ACAD11: variants seen among roughly 807,000 people sequenced by gnomAD.
ACAD11 encodes acyl-Coenzyme A dehydrogenase family, member 11.
Under a neutral mutation model 102.2 loss-of-function variants are expected in ACAD11, and 83 were observed. That is an observed-to-expected ratio of 0.81 (90% CI 0.68 to 0.97). ACAD11 has a LOEUF of 0.97. Ranked by LOEUF, ACAD11 falls within the 50% of genes least tolerant of loss-of-function variation. The pLI is 0.00. For synonymous variants in ACAD11, 324 were observed against 319.8 expected, an observed-to-expected ratio of 1.01 and a Z score of -0.14; for missense variants, 901 against 951.7, an observed-to-expected ratio of 0.95 and a Z score of 0.70.
intron 9 of ACAD11, among the ~76,000 whole-genome samples, chr3:132,623,824 A>G (rs949001237): frequency 8.5e-5 from 13 of 152,188 alleles, no homozygotes; most frequent in African/African-American, 2.7e-4. Flanking sequence ...CCAATGAAAG[A>G]ACAAGCCTGC....
chr3:132,567,564 T>C (rs907882333), intron 17 of ACAD11, among the ~76,000 whole-genome samples: 5 of 151,778 alleles, frequency 3.3e-5, no homozygotes, highest in African/African-American at 1.2e-4. Context: ...AGAAAAACAA[T>C]AACCAGAGAG....
intron 17 of ACAD11, among the ~76,000 whole-genome samples, chr3:132,574,204 C>A (rs1433909702): frequency 6.6e-6 from 1 of 152,180 alleles, no homozygotes; most frequent in Non-Finnish European, 1.5e-5. Context: ...CTGTGTCCTC[C>A]CTTCACCCTG....
At position 132,561,175 on chromosome 3, in the gene ACAD11, C is replaced by T. The variant is rs1401305818; in HGVS notation, c.2044G>A (p.Glu682Lys). Residue 682 changes from glutamate (E) to lysine (K), a missense_variant, in exon 18 of 20, where the codon GAG becomes AAG. Coordinates refer to ENST00000264990, the MANE Select transcript of ACAD11 (RefSeq NM_032169.5). ...TTCAGAGTCAACAAGCGGATCTTCT[C>T]AATGGCAATGCGGCTTTCAGCAATC... is the stretch of plus-strand genomic sequence containing the variant. ...HWIAESRIAI[E>K]KIRLLTLKAA... is the part of the protein sequence containing the mutation. 6.2e-7 allele frequency: 1 copy of T among 1,613,444 alleles called. No homozygotes were observed. The highest frequency in any genetic ancestry group is 1.7e-5 in the Admixed American group (1 of 59,978).
chr3:132,587,449 G>C (rs1937890055), intron 13 of ACAD11, among the ~76,000 whole-genome samples: 1 of 152,004 alleles, frequency 6.6e-6, no homozygotes, highest in South Asian at 2.1e-4. Flanking sequence ...TTTAAGTTCT[G>C]ATATTCCTAC....
intron 1 of ACAD11, among the ~76,000 whole-genome samples, chr3:132,649,106 C>T (rs912317303): frequency 2.4e-4 from 36 of 152,374 alleles, no homozygotes; most frequent in African/African-American, 8.2e-4. Context: ...CCGCAGGGAC[C>T]TCTGCCCTGG....
At chr3:132,587,878 C>G (rs1030668495) in intron 13 of ACAD11, among the ~76,000 whole-genome samples, 1 of 152,168 alleles carries the variant, frequency 6.6e-6, no homozygotes, top group African/African-American at 2.4e-5. Flanking sequence ...TACTTTCATT[C>G]AGGAGTTAGC....
At chr3:132,626,372 T>C (rs531435130) in intron 9 of ACAD11, among the ~76,000 whole-genome samples, 1 of 152,170 alleles carries the variant, frequency 6.6e-6, no homozygotes, top group Admixed American at 6.5e-5. Flanking sequence ...CATTAAATTC[T>C]CAAAGGGGTC....
chr3:132,637,707 T>C (rs928030350), intron 5 of ACAD11, among the ~76,000 whole-genome samples: 4 of 152,178 alleles, frequency 2.6e-5, no homozygotes, highest in Non-Finnish European at 4.4e-5. Context: ...AGTGAGCCTA[T>C]TGTGCTACTG....
chr3:132,625,858 C>T (rs558296510), intron 9 of ACAD11, among the ~76,000 whole-genome samples: 12 of 152,202 alleles, frequency 7.9e-5, no homozygotes, highest in Admixed American at 3.9e-4. Flanking sequence ...TTTAGTCATA[C>T]CTACTCACAT....
intron 7 of ACAD11, 31 bp downstream of exon 7, chr3:132,630,406 G>A: frequency 6.3e-7 from 1 of 1,598,888 alleles, no homozygotes; most frequent in Non-Finnish European, 8.5e-7. Context: ...GGTAAATAAT[G>A]GCGAAACACA....
At chr3:132,594,089 CTA>C (rs1200630920) in intron 13 of ACAD11, among the ~76,000 whole-genome samples, 2 of 152,170 alleles carry the variant, frequency 1.3e-5, no homozygotes, top group African/African-American at 4.8e-5. Context: ...GATTCATACA[CTA>C]TGATTTATAC....
chr3:132,595,688 G>GA (rs1938272034), intron 13 of ACAD11, among the ~76,000 whole-genome samples: 4 of 151,952 alleles, frequency 2.6e-5, no homozygotes, highest in Admixed American at 2.6e-4. Flanking sequence ...ACAATCATAT[G>GA]AAAAAAAGCT....
chr3:132,623,020 T>C (rs1939664833), intron 9 of ACAD11, among the ~76,000 whole-genome samples: 1 of 152,238 alleles, frequency 6.6e-6, no homozygotes, highest in Non-Finnish European at 1.5e-5. Context: ...ATGCTATTTT[T>C]AGGATTTCTT....
At chr3:132,659,319 C>A (rs1937996955) in intron 1 of ACAD11, 1 of 410,354 alleles carries the variant, frequency 2.4e-6, no homozygotes, top group South Asian at 3.2e-5. Flanking sequence ...GCCTTAATTG[C>A]CTTGGTGAAT....
In ACAD11 at chr3:132,624,378, G is replaced by A. The variant is rs566521324; in HGVS notation, c.1197+2313C>T. On this transcript the variant is annotated intron_variant, in intron 9 of 19. Transcript: ENST00000264990. ...TCCCAGCACTTTGGGAGGCTGAGGT[G>A]CGCGGATCACGAGGTCAGGAGTTCG... Among the ~76,000 whole-genome samples, 3 of 151,564 alleles carry A rather than the reference G, an allele frequency of 2.0e-5. No homozygotes were observed. In the South Asian group the frequency reaches 6.3e-4, roughly 32 times the overall value.
intron 1 of ACAD11, 70 bp downstream of exon 1, chr3:132,659,533 C>A (rs1576634448): frequency 2.5e-6 from 4 of 1,599,140 alleles, no homozygotes; most frequent in Non-Finnish European, 3.4e-6. Context: ...AGGAAACCAC[C>A]CAGGGCCAAA....
intron 1 of ACAD11, 26 bp from the exon 2 acceptor site, chr3:132,644,922 G>A (rs75067001): frequency 3.0e-6 from 4 of 1,316,688 alleles, no homozygotes; most frequent in Admixed American, 4.0e-5. Flanking sequence ...AAAAAAAAAG[G>A]TCAATTACAA....
chr3:132,626,586 A>C lies in ACAD11; in HGVS notation c.1197+105T>G. 5 of 1,332,564 alleles carry C rather than the reference A, an allele frequency of 3.8e-6. No homozygotes were observed. In the South Asian group the frequency reaches 5.3e-5, roughly 14 times the overall value. 82.5% of individuals were successfully genotyped at this position (1,332,564 alleles called of 1,614,324 possible). A position where few individuals can be genotyped will look rare whatever the true frequency, so the allele number is the denominator to read the frequency against. ...GGTGAGAAGAAGAATCTAGGTAAGGATTGACTAAAGAAAATGACACCATGC... is the reference window on the plus strand; with the variant it reads ...GGTGAGAAGAAGAATCTAGGTAAGGCTTGACTAAAGAAAATGACACCATGC... On this transcript the variant is annotated intron_variant, in intron 9 of 19. Coordinates refer to ENST00000264990, the MANE Select transcript of ACAD11 (RefSeq NM_032169.5).
Position 132,605,092 on chromosome 3 carries a change from AT to A in ACAD11, c.1522+5del. 1 of 1,605,816 alleles carries A rather than the reference AT, an allele frequency of 6.2e-7. No homozygotes were observed. Among genetic ancestry groups the A allele is most frequent in the Non-Finnish European group, 8.5e-7 (1 of 1,172,960 alleles). ...ACACAAGGAGAGAATGGTGATTGGCATTTACCTGTCATACAGAAGCAAGAGG... is the reference window on the plus strand; with the variant it reads ...ACACAAGGAGAGAATGGTGATTGGCATTACCTGTCATACAGAAGCAAGAGG... On this transcript the variant is annotated splice_donor_5th_base_variant and intron_variant, in intron 12 of 19. Transcript: ENST00000264990.
Sources: gnomAD v4.1 joint callset for allele counts (sites outside exome capture counted in the v4.1 genomes callset) on GRCh38, gnomAD v4.1.1 for gene constraint, MANE v1.5 for transcripts, NCBI Gene and HGNC (gene_info 2026-07-23, HGNC 2026-07-21) for gene names.